KCNQ3: variants seen among roughly 807,000 people sequenced by gnomAD.
KCNQ3 encodes potassium voltage-gated channel subfamily KQT member 3.
Under a neutral mutation model 92.5 loss-of-function variants are expected in KCNQ3, and 30 were observed. That is an observed-to-expected ratio of 0.32 (90% confidence interval 0.24 to 0.44). The LOEUF is 0.44. Ranked by LOEUF, KCNQ3 falls within the 20% of genes least tolerant of loss-of-function variation. The pLI, the probability that KCNQ3 is intolerant of heterozygous loss-of-function variation, is 1.00. For missense variants in KCNQ3, 913 were observed against 1,140.3 expected (o/e 0.80, Z 2.87); for synonymous variants, 450 against 468.8 (o/e 0.96, Z 0.52).
chr8:132,179,375 C>G (rs17576188), intron 4 of KCNQ3, among the ~76,000 whole-genome samples: 7,770 of 152,092 alleles, frequency 0.051, 304 homozygotes, highest in Non-Finnish European at 0.074. Flanking sequence ...AGCAAACCAG[C>G]AGCAAACCAC....
At chr8:132,376,307 A>C (rs1586967908) in intron 1 of KCNQ3, among the ~76,000 whole-genome samples, 1 of 152,208 alleles carries the variant, frequency 6.6e-6, no homozygotes, top group East Asian at 1.9e-4. Flanking sequence ...CCTATCTTCC[A>C]ATCAGCAGCA....
At chr8:132,351,213 C>T (rs1818853686) in intron 1 of KCNQ3, among the ~76,000 whole-genome samples, 1 of 152,178 alleles carries the variant, frequency 6.6e-6, no homozygotes, top group African/African-American at 2.4e-5. Context: ...GGATTATTCC[C>T]ATTGTTCAGA....
intron 1 of KCNQ3, among the ~76,000 whole-genome samples, chr8:132,442,991 G>A (rs768654518): frequency 1.3e-4 from 20 of 152,184 alleles, no homozygotes; most frequent in Middle Eastern, 3.2e-3. Context: ...TCCTGAGGCC[G>A]AAGCAGCTCA....
At chr8:132,186,956 CAG>C (rs1160355665) in intron 1 of KCNQ3, among the ~76,000 whole-genome samples, 1,569 of 93,304 alleles carry the variant, frequency 0.017, 27 homozygotes, top group South Asian at 0.1. Context: ...GAGAGAGAGA[CAG>C]AGAGAGAGAG....
At chr8:132,334,986 A>G (rs1013851064) in intron 1 of KCNQ3, among the ~76,000 whole-genome samples, 16 of 139,524 alleles carry the variant, frequency 1.1e-4, no homozygotes, top group Non-Finnish European at 2.5e-4. Context: ...GTCATCTTAG[A>G]CATTTTTCTT....
At chr8:132,191,208 G>A (rs1009032980) in intron 1 of KCNQ3, among the ~76,000 whole-genome samples, 7 of 152,104 alleles carry the variant, frequency 4.6e-5, no homozygotes, top group East Asian at 1.9e-4. Flanking sequence ...AGGCAGTGGC[G>A]TGATCATAGC....
At chr8:132,176,113 G>C (rs897676338) in intron 4 of KCNQ3, among the ~76,000 whole-genome samples, 15 of 152,080 alleles carry the variant, frequency 9.9e-5, no homozygotes, top group African/African-American at 3.6e-4. Flanking sequence ...TTAAATGAAG[G>C]GACAGAGCCA....
At chr8:132,271,747 G>A (rs944632401) in intron 1 of KCNQ3, among the ~76,000 whole-genome samples, 4 of 152,192 alleles carry the variant, frequency 2.6e-5, no homozygotes, top group Non-Finnish European at 5.9e-5. Context: ...CCACCCCCGG[G>A]AAGCTGATTG....
At chr8:132,383,492 G>A (rs1563888519) in intron 1 of KCNQ3, among the ~76,000 whole-genome samples, 1 of 152,312 alleles carries the variant, frequency 6.6e-6, no homozygotes, top group East Asian at 1.9e-4. Context: ...AAGAGAAGAA[G>A]GCAGTAACTA....
At chr8:132,397,243 G>C (rs11986253) in intron 1 of KCNQ3, among the ~76,000 whole-genome samples, 28,475 of 152,028 alleles carry the variant, frequency 0.19, 2,847 homozygotes, top group Non-Finnish European at 0.22. Flanking sequence ...ACTGCTGCCT[G>C]ACATGACCTA....
intron 1 of KCNQ3, among the ~76,000 whole-genome samples, chr8:132,250,178 C>T (rs762621430): frequency 3.1e-4 from 47 of 152,204 alleles, no homozygotes; most frequent in Admixed American, 7.8e-4. Flanking sequence ...GCACTGAGCG[C>T]GAGCGAGGGT....
chr8:132,201,695 C>T (rs1400324393), intron 1 of KCNQ3, among the ~76,000 whole-genome samples: 4 of 152,152 alleles, frequency 2.6e-5, no homozygotes, highest in African/African-American at 4.8e-5. Flanking sequence ...CCCTCCAGGC[C>T]GTGGCCCCTA....
intron 1 of KCNQ3, among the ~76,000 whole-genome samples, chr8:132,256,042 T>C (rs1055592045): frequency 6.6e-6 from 1 of 152,158 alleles, no homozygotes; most frequent in African/African-American, 2.4e-5. Flanking sequence ...GAAGCCCAGA[T>C]GTAGAACTTT....
chr8:132,409,412 G>T (rs1820588758), intron 1 of KCNQ3, among the ~76,000 whole-genome samples: 1 of 151,456 alleles, frequency 6.6e-6, no homozygotes, highest in Non-Finnish European at 1.5e-5. Flanking sequence ...CATGCCCCAA[G>T]ACCCAGCTTA....
intron 1 of KCNQ3, among the ~76,000 whole-genome samples, chr8:132,201,683 G>A (rs1827463282): frequency 6.6e-6 from 1 of 152,172 alleles, no homozygotes; most frequent in South Asian, 2.1e-4. Flanking sequence ...GTAGAGGACA[G>A]ACCCTCCAGG....
chr8:132,357,125 A>T (rs1819039823), intron 1 of KCNQ3, among the ~76,000 whole-genome samples: 1 of 152,218 alleles, frequency 6.6e-6, no homozygotes, highest in Admixed American at 6.5e-5. Flanking sequence ...TTTCTAAATG[A>T]GCCAGAGAAT....
intron 1 of KCNQ3, among the ~76,000 whole-genome samples, chr8:132,463,695 T>C (rs911412859): frequency 1.3e-5 from 2 of 152,228 alleles, no homozygotes; most frequent in Admixed American, 6.5e-5. Context: ...TGTAATTTCC[T>C]CCCTTTTATC....
intron 1 of KCNQ3, among the ~76,000 whole-genome samples, chr8:132,209,544 A>ACACACACAC (rs1554631921): frequency 6.5e-4 from 88 of 135,456 alleles, no homozygotes; most frequent in African/African-American, 2.4e-3. Context: ...CACACACACA[A>ACACACACAC]ACACACACAC....
chr8:132,238,303 T>C (rs1375198559), intron 1 of KCNQ3, among the ~76,000 whole-genome samples: 1 of 152,110 alleles, frequency 6.6e-6, no homozygotes, highest in East Asian at 1.9e-4. Flanking sequence ...CTATGTGGTC[T>C]TGAAATGGGG....
Sources: allele counts gnomAD v4.1 joint callset (sites outside exome capture counted in the v4.1 genomes callset), GRCh38; gene constraint gnomAD v4.1.1; transcripts MANE v1.5; gene names NCBI Gene and HGNC (gene_info 2026-07-23, HGNC 2026-07-21).